The following ZC2HC1A variants were observed in gnomAD, a reference collection of about 807,000 sequenced individuals.
The protein encoded by ZC2HC1A is zinc finger C2HC-type containing 1A, also known as zinc finger C2HC domain-containing protein 1A.
A neutral mutation model predicts 40.7 loss-of-function variants in ZC2HC1A; 28 were observed. The observed-to-expected ratio is 0.69, with a 90% confidence interval of 0.51 to 0.94. The LOEUF (loss-of-function observed/expected upper bound fraction) is 0.94, where lower values mean the gene tolerates loss of function less well. ZC2HC1A is among the 40% of genes least tolerant of loss of function. ZC2HC1A has a pLI of 0.00. For missense variants in ZC2HC1A, 389 were observed against 386.3 expected, an observed-to-expected ratio of 1.01 and a Z score of -0.06; for synonymous variants, 129 against 129.2, an observed-to-expected ratio of 1.00 and a Z score of 0.01.
chr8:78,697,636 A>C (rs1810466999), intron 6 of ZC2HC1A, 130 bp downstream of exon 6: 2 of 655,072 alleles, frequency 3.1e-6, no homozygotes, highest in Non-Finnish European at 5.0e-6. Context: ...AAGTTAAGTA[A>C]TTATTTTTTA....
intron 1 of ZC2HC1A, among the ~76,000 whole-genome samples, chr8:78,672,945 C>A (rs564361032): frequency 2.0e-5 from 3 of 151,824 alleles, no homozygotes; most frequent in African/African-American, 4.8e-5. Context: ...ATGTGCAGAA[C>A]GTGCAGGCTT....
At chr8:78,669,802 A>C (rs1039243221) in intron 1 of ZC2HC1A, among the ~76,000 whole-genome samples, 4 of 151,868 alleles carry the variant, frequency 2.6e-5, no homozygotes, top group Non-Finnish European at 5.9e-5. Flanking sequence ...ATTAGTTTTT[A>C]TTCATTTTTT....
chr8:78,685,278 T>G (rs1040471601), intron 3 of ZC2HC1A, among the ~76,000 whole-genome samples: 2 of 152,102 alleles, frequency 1.3e-5, no homozygotes, highest in African/African-American at 2.4e-5. Context: ...AAGCGAAATT[T>G]GATTCAATTT....
At chr8:78,675,986 T>C in intron 2 of ZC2HC1A, 123 bp downstream of exon 2, 8 of 723,050 alleles carry the variant, frequency 1.1e-5, no homozygotes, top group South Asian at 4.8e-5. Context: ...GGTACTATTC[T>C]TTGTTCAAGG....
intron 1 of ZC2HC1A, 34 bp downstream of exon 1, chr8:78,666,198 A>G (rs1315627097): frequency 6.4e-7 from 1 of 1,568,640 alleles, no homozygotes; most frequent in Non-Finnish European, 8.6e-7. Flanking sequence ...CAGGACGGCT[A>G]GAGCGGGCCC....
intron 7 of ZC2HC1A, among the ~76,000 whole-genome samples, chr8:78,709,683 T>C (rs1401069601): frequency 1.3e-5 from 2 of 148,418 alleles, no homozygotes; most frequent in Non-Finnish European, 3.0e-5. Flanking sequence ...TTGGACCACA[T>C]ATAAAATACA....
intron 1 of ZC2HC1A, among the ~76,000 whole-genome samples, chr8:78,675,260 T>C (rs1288657296): frequency 6.6e-6 from 1 of 151,822 alleles, no homozygotes; most frequent in Non-Finnish European, 1.5e-5. Flanking sequence ...AAATAATAAT[T>C]CACATAATAC....
At chr8:78,683,569 A>G (rs1563624289) in intron 3 of ZC2HC1A, among the ~76,000 whole-genome samples, 1 of 152,134 alleles carries the variant, frequency 6.6e-6, no homozygotes, top group Non-Finnish European at 1.5e-5. Flanking sequence ...GACCTGGCCT[A>G]GGAAACCATT....
intron 7 of ZC2HC1A, among the ~76,000 whole-genome samples, chr8:78,704,697 A>G (rs1218086922): frequency 1.3e-5 from 2 of 152,136 alleles, no homozygotes; most frequent in Non-Finnish European, 2.9e-5. Flanking sequence ...ATGTTTTTCA[A>G]ATTGGTGCCA....
At chr8:78,686,055 G>A (rs996169207) in intron 3 of ZC2HC1A, 12 of 152,262 alleles carry the variant, frequency 7.9e-5, no homozygotes, top group African/African-American at 2.9e-4. Context: ...ATCTGCTACT[G>A]GGATAATGGC....
intron 7 of ZC2HC1A, chr8:78,712,243 A>G (rs548534774): frequency 1.1e-4 from 42 of 377,814 alleles, no homozygotes; most frequent in Admixed American, 1.9e-4. Flanking sequence ...AATGTGTCAA[A>G]TAATCTAGGA....
intron 5 of ZC2HC1A, among the ~76,000 whole-genome samples, chr8:78,692,288 G>A (rs762678841): frequency 1.3e-5 from 2 of 151,996 alleles, no homozygotes; most frequent in African/African-American, 2.4e-5. Flanking sequence ...GAGTACATGT[G>A]GTATTCACAT....
At chr8:78,689,415 T>C in intron 5 of ZC2HC1A, 42 bp downstream of exon 5, 2 of 1,495,550 alleles carry the variant, frequency 1.3e-6, no homozygotes, top group Non-Finnish European at 1.8e-6. Flanking sequence ...AGAAAATGGC[T>C]CATGGACATT....
chr8:78,686,486 C>T lies in ZC2HC1A; in HGVS notation c.230C>T (p.Pro77Leu), dbSNP rs777639391. Reference sequence around the variant, plus strand: ...TTATAGCCAGAACCACCAAAGAAACCATCTAATTGGAGAAGGAAACATGAA... The same window carrying T: ...TTATAGCCAGAACCACCAAAGAAACTATCTAATTGGAGAAGGAAACATGAA... ...LKPRPEPPKK[P>L]SNWRRKHEEF... The change falls in exon 4 of 9, where the codon CCA becomes CTA. Residue 77 changes from proline to leucine, a missense_variant. Transcript: ENST00000263849. 3 of 1,512,146 alleles carry T rather than the reference C, an allele frequency of 2.0e-6. No homozygotes were observed. The highest frequency in any genetic ancestry group is 2.0e-5 in the Admixed American group (1 of 50,440). The allele number at this position is 1,512,146 out of a possible 1,614,324, so 93.7% of individuals were successfully genotyped here.
At position 78,686,485 on chromosome 8, in the gene ZC2HC1A, C is replaced by A. The variant is rs755837884; in HGVS notation, c.229C>A (p.Pro77Thr). ...LKPRPEPPKKPSNWRRKHEEF... is the reference protein window; with the variant it reads ...LKPRPEPPKKTSNWRRKHEEF... The stretch of plus-strand genomic sequence containing the variant: ...TTTATAGCCAGAACCACCAAAGAAA[C>A]CATCTAATTGGAGAAGGAAACATGA... Residue 77 changes from proline (P) to threonine (T), a missense_variant, in exon 4 of 9, where the codon CCA becomes ACA. By Grantham distance (38) the Pro-to-Thr change is conservative. Coordinates refer to ENST00000263849, the MANE Select transcript of ZC2HC1A (RefSeq NM_016010.3). The A allele has an allele frequency of 1.3e-6, 2 of 1,512,278 alleles. No individual in the cohort carries two copies. Among genetic ancestry groups the A allele is most frequent in the South Asian group, 1.4e-5 (1 of 69,522 alleles). 93.7% of individuals were successfully genotyped at this position (1,512,278 alleles called of 1,614,324 possible). A position where few individuals can be genotyped will look rare whatever the true frequency, so the allele number is the denominator to read the frequency against.
intron 3 of ZC2HC1A, among the ~76,000 whole-genome samples, chr8:78,681,370 C>T (rs1275575501): frequency 5.3e-5 from 8 of 152,124 alleles, no homozygotes; most frequent in Non-Finnish European, 7.3e-5. Flanking sequence ...AGCAGAACAT[C>T]AGTAGATGAG....
At chr8:78,704,561 G>T (rs561561148) in intron 7 of ZC2HC1A, among the ~76,000 whole-genome samples, 21 of 152,164 alleles carry the variant, frequency 1.4e-4, no homozygotes, top group African/African-American at 4.8e-4. Flanking sequence ...TGGAGAATCT[G>T]ATGATTATGT....
In ZC2HC1A at chr8:78,697,497, A is replaced by G. The variant is rs761256249; in HGVS notation, c.595A>G (p.Thr199Ala). Residue 199 changes from threonine to alanine, a missense_variant, in exon 6 of 9, where the codon ACT becomes GCT. Transcript: ENST00000263849. ...ACCGCAGCCAAGTGGCGCTGGCAAAACTGTTGTAGGTAATGATAGCCGAAA... is the reference window on the plus strand; with the variant it reads ...ACCGCAGCCAAGTGGCGCTGGCAAAGCTGTTGTAGGTAATGATAGCCGAAA... ...RLPQPSGAGK[T>A]VVGVPSGKVS... The G allele has an allele frequency of 5.6e-6, 9 of 1,606,912 alleles. No individual in the cohort carries two copies.
rs758737620 is a variant in ZC2HC1A at position 78,686,617 on chromosome 8, A to C, written c.352+9A>C. ...ACCTTCTTATGATCCTGGTATTTGGAATATTGTTGACAGAAATGTTCATGT... is the reference window on the plus strand; with the variant it reads ...ACCTTCTTATGATCCTGGTATTTGGCATATTGTTGACAGAAATGTTCATGT... On this transcript the variant is annotated intron_variant, in intron 4 of 8. Coordinates refer to ENST00000263849, the MANE Select transcript of ZC2HC1A (RefSeq NM_016010.3). 4 of 1,468,280 alleles carry C rather than the reference A, an allele frequency of 2.7e-6. No homozygotes were observed. Among genetic ancestry groups the C allele is most frequent in the Admixed American group, 2.5e-5 (1 of 40,750 alleles). The allele number at this position is 1,468,280 out of a possible 1,614,324, so 91.0% of individuals were successfully genotyped here.
Sources: allele counts gnomAD v4.1 joint callset (sites outside exome capture counted in the v4.1 genomes callset), GRCh38; gene constraint gnomAD v4.1.1; transcripts MANE v1.5; gene names NCBI Gene and HGNC (gene_info 2026-07-23, HGNC 2026-07-21).